Variants in PES1 observed in about 807,000 individuals in gnomAD.
PES1 encodes pescadillo homolog.
In PES1, 31 loss-of-function variants were observed where a neutral mutation model predicts 77.1. The observed-to-expected ratio is 0.40, with a 90% CI of 0.30 to 0.54. The LOEUF (loss-of-function observed/expected upper bound fraction) is 0.54, where lower values mean the gene tolerates loss of function less well. Ranked by LOEUF, PES1 falls within the 20% of genes least tolerant of loss-of-function variation. The pLI is 0.45. For synonymous variants in PES1, 282 were observed against 303.0 expected, an observed-to-expected ratio of 0.93 and a Z score of 0.72; for missense variants, 658 against 771.7, an observed-to-expected ratio of 0.85 and a Z score of 1.75.
chr22:30,580,715 G>A lies in PES1; in HGVS notation c.913-14C>T, dbSNP rs758431732. ...CGCTGACATCTCCTGTTGAGAAAGG[G>A]GCCAGGCCTCGCACCACCAGGGCTG... On this transcript the variant is annotated splice_polypyrimidine_tract_variant and intron_variant, in intron 9 of 14. Transcript: ENST00000354694. 1.9e-6 allele frequency: 3 copies of A among 1,612,674 alleles called. No homozygotes were observed. Among genetic ancestry groups the A allele is most frequent in the Admixed American group, 1.7e-5 (1 of 60,024 alleles).
chr22:30,593,481 G>A (rs567437723), upstream of PES1, among the ~76,000 whole-genome samples: 78 of 151,800 alleles, frequency 5.1e-4, no homozygotes, highest in African/African-American at 1.9e-3. Flanking sequence ...ACGACAGAGC[G>A]AGGCTCCATC....
intron 2 of PES1, 72 bp from the exon 3 acceptor site, chr22:30,588,246 TG>T (rs1569026602): frequency 3.2e-5 from 50 of 1,585,138 alleles, no homozygotes; most frequent in Admixed American, 6.8e-5. Context: ...CAGCTGGGCC[TG>T]GAAAACAACA....
intron 12 of PES1, 150 bp from the exon 13 acceptor site, chr22:30,579,453 T>G: frequency 1.6e-6 from 2 of 1,287,146 alleles, no homozygotes; most frequent in Non-Finnish European, 2.1e-6. Flanking sequence ...CTCTTGCACC[T>G]CCCCACAGCC....
At chr22:30,589,633 C>A (rs1477722497) in intron 1 of PES1, among the ~76,000 whole-genome samples, 1 of 152,126 alleles carries the variant, frequency 6.6e-6, no homozygotes, top group Admixed American at 6.5e-5. Flanking sequence ...TCCGAACGTC[C>A]ATTTCACATA....
At chr22:30,598,247 C>T (rs926323199) in intron 2 of PES1, 3 of 152,212 alleles carry the variant, frequency 2.0e-5, no homozygotes, top group African/African-American at 7.2e-5. Context: ...AGACCACGAA[C>T]CCACCAAAAG....
At chr22:30,589,368 A>G (rs781357117) in intron 1 of PES1, 98 bp from the exon 2 acceptor site, 81 of 1,013,908 alleles carry the variant, frequency 8.0e-5, no homozygotes, top group Non-Finnish European at 1.1e-4. Flanking sequence ...ATCACTCTGG[A>G]TAAGTGGCTG....
At chr22:30,591,978 C>A, upstream of PES1, 1 of 1,384,186 alleles carries the variant, frequency 7.2e-7, no homozygotes, top group Non-Finnish European at 9.3e-7. Context: ...CTGTACAAGT[C>A]CAGGGAAAGA....
upstream of PES1, among the ~76,000 whole-genome samples, chr22:30,596,741 T>A (rs1366059472): frequency 2.0e-5 from 3 of 152,222 alleles, no homozygotes; most frequent in African/African-American, 7.2e-5. Flanking sequence ...CTCCTCGGCC[T>A]CGGCGCCCAT....
At position 30,581,384 on chromosome 22, in the gene PES1, C is replaced by T. The variant is rs752599088; in HGVS notation, c.772G>A (p.Ala258Thr). Residue 258 changes from alanine to threonine, a missense_variant, in exon 8 of 15, where the codon GCA (alanine) becomes ACA (threonine). By Grantham distance (58) the Ala-to-Thr change is moderately conservative. Coordinates refer to ENST00000354694, the MANE Select transcript of PES1 (RefSeq NM_014303.4). ...PKLEGQAQAE[A>T]KAGEGTYALD... ...GCGTAGGTGCCCTCACCGGCCTTTG[C>T]CTCTGCTTGGGCCTGACCCTCGAGC... is the stretch of plus-strand genomic sequence containing the variant. The T allele has an allele frequency of 1.7e-5, 27 of 1,613,670 alleles. No homozygotes were observed. Among genetic ancestry groups the T allele is most frequent in the East Asian group, 2.2e-5 (1 of 44,892 alleles).
At chr22:30,594,866 CTCGTGG>C (rs1162571775), upstream of PES1, among the ~76,000 whole-genome samples, 1 of 152,126 alleles carries the variant, frequency 6.6e-6, no homozygotes, top group Non-Finnish European at 1.5e-5. Flanking sequence ...GTCCCAGCTA[CTCGTGG>C]TCCCAGCTAC....
intron 9 of PES1, 115 bp from the exon 10 acceptor site, chr22:30,580,816 A>G (rs2086972958): frequency 4.7e-6 from 7 of 1,497,654 alleles, no homozygotes; most frequent in Non-Finnish European, 6.4e-6. Context: ...TCCTGCCTTC[A>G]AAGGAAACTC....
chr22:30,582,775 T>C (rs949414962), intron 6 of PES1, among the ~76,000 whole-genome samples: 1 of 151,822 alleles, frequency 6.6e-6, no homozygotes, highest in African/African-American at 2.4e-5. Flanking sequence ...CATCCTTCCA[T>C]GAGAATCTGT....
intron 2 of PES1, among the ~76,000 whole-genome samples, chr22:30,603,232 C>G (rs2087385267): frequency 6.6e-6 from 1 of 151,950 alleles, no homozygotes. Context: ...ATTTTAAACT[C>G]ACAGGCCCCC....
intron 13 of PES1, 54 bp downstream of exon 13, chr22:30,579,083 G>C: frequency 6.2e-7 from 1 of 1,604,514 alleles, no homozygotes; most frequent in Non-Finnish European, 8.5e-7. Context: ...GGCCAGAGCA[G>C]GCACCAAGCA....
intron 2 of PES1, among the ~76,000 whole-genome samples, chr22:30,599,406 G>A (rs1289865022): frequency 2.0e-5 from 3 of 152,124 alleles, no homozygotes; most frequent in African/African-American, 4.8e-5. Context: ...TGACCTTTGT[G>A]TGTGATTTTT....
chr22:30,585,547 C>T (rs1490300821), intron 4 of PES1, among the ~76,000 whole-genome samples: 2 of 152,102 alleles, frequency 1.3e-5, no homozygotes, highest in African/African-American at 2.4e-5. Flanking sequence ...GCCTCTCTCC[C>T]GCAGCCACAG....
chr22:30,596,822 G>A (rs993006135), upstream of PES1, among the ~76,000 whole-genome samples: 1 of 152,338 alleles, frequency 6.6e-6, no homozygotes, highest in East Asian at 1.9e-4. Flanking sequence ...GCTGGCTGAG[G>A]CCGGAGCCGG....
chr22:30,592,250 C>G (rs985995635), upstream of PES1: 11 of 1,008,120 alleles, frequency 1.1e-5, no homozygotes, highest in Admixed American at 1.8e-4. Context: ...CCATGGTGCG[C>G]GATAGGATTG....
intron 2 of PES1, among the ~76,000 whole-genome samples, chr22:30,602,351 C>T (rs184773483): frequency 6.2e-4 from 94 of 152,194 alleles, no homozygotes; most frequent in Middle Eastern, 3.4e-3. Flanking sequence ...TGAGGCCTCC[C>T]CAGCCATGCA....
Sources: gnomAD v4.1 joint callset for allele counts (sites outside exome capture counted in the v4.1 genomes callset) on GRCh38, gnomAD v4.1.1 for gene constraint, MANE v1.5 for transcripts, NCBI Gene and HGNC (gene_info 2026-07-23, HGNC 2026-07-21) for gene names.